Variants in GK observed in about 807,000 individuals in gnomAD.
GK encodes glycerol kinase.
Under a neutral mutation model 56.4 loss-of-function variants are expected in GK, and 9 were observed. That is an observed-to-expected ratio of 0.16 (90% CI 0.10 to 0.28). GK has a LOEUF of 0.28. Ranked by LOEUF, GK falls within the 10% of genes least tolerant of loss-of-function variation. The probability of loss-of-function intolerance (pLI) is 1.00; values close to 1 mark genes in which losing one functional copy is unlikely to be tolerated. For missense variants in GK, 161 were observed against 431.4 expected (o/e 0.37, Z 5.55); for synonymous variants, 104 against 144.1 (o/e 0.72, Z 1.99).
chrX:30,670,209 A>G (rs1933384941), intron 3 of GK, among the ~76,000 whole-genome samples: 1 of 111,953 alleles, frequency 8.9e-6, no homozygotes, highest in African/African-American at 3.2e-5. Context: ...ATTACCAAAG[A>G]CGTAAGTAAT....
At chrX:30,685,020 C>T (rs1234535215) in intron 4 of GK, among the ~76,000 whole-genome samples, 1 of 112,279 alleles carries the variant, frequency 8.9e-6, no homozygotes, top group Non-Finnish European at 1.9e-5. Context: ...TTTATCTTTT[C>T]TGGAACTGGC....
chrX:30,697,827 C>T (rs757224984), intron 9 of GK, 78 bp downstream of exon 9: 34 of 708,759 alleles, frequency 4.8e-5, no homozygotes, highest in Non-Finnish European at 7.3e-5. Flanking sequence ...TTTAGACAAG[C>T]AGAAGTCCAT....
At chrX:30,655,308 A>G (rs970663383) in intron 1 of GK, among the ~76,000 whole-genome samples, 3 of 112,496 alleles carry the variant, frequency 2.7e-5, no homozygotes, top group East Asian at 2.8e-4. Flanking sequence ...AAGAAAGACC[A>G]TTAAGACATG....
At chrX:30,662,511 G>A (rs991539507) in intron 1 of GK, among the ~76,000 whole-genome samples, 3 of 111,313 alleles carry the variant, frequency 2.7e-5, no homozygotes, top group Non-Finnish European at 5.7e-5. Flanking sequence ...TCTGTTTTCT[G>A]TGTCTCTTCC....
At chrX:30,657,564 A>G (rs992658340) in intron 1 of GK, among the ~76,000 whole-genome samples, 6 of 112,757 alleles carry the variant, frequency 5.3e-5, no homozygotes, top group Non-Finnish European at 1.1e-4. Context: ...TTGTGGCTTG[A>G]AATGTGTCAG....
chrX:30,694,382 A>G lies in GK; in HGVS notation c.415-18A>G. 8.4e-7 allele frequency: 1 copy of G among 1,196,165 alleles called. No homozygotes were observed. The highest frequency in any genetic ancestry group is 1.8e-5 in the South Asian group (1 of 56,609). On this transcript the variant is annotated intron_variant, in intron 5 of 20. Coordinates refer to ENST00000427190, the MANE Select transcript of GK (RefSeq NM_001205019.2). ...GTTACACTTTTCATTTGCTAACTGA[A>G]CTTCACAACTGTTTTAGTCCAAGAC...
chrX:30,691,338 G>A, intron 5 of GK, 139 bp downstream of exon 5: 1 of 433,878 alleles, frequency 2.3e-6, no homozygotes, highest in South Asian at 3.7e-5. Flanking sequence ...GATAATTGAG[G>A]CCAACTCAAG....
At chrX:30,725,733 C>T (rs897961156) in intron 19 of GK, among the ~76,000 whole-genome samples, 2 of 111,205 alleles carry the variant, frequency 1.8e-5, no homozygotes, top group Non-Finnish European at 3.8e-5. Flanking sequence ...CTCACTGCAA[C>T]CTCTGCCCTC....
At chrX:30,711,894 C>T (rs1316934804) in intron 13 of GK, among the ~76,000 whole-genome samples, 1 of 111,942 alleles carries the variant, frequency 8.9e-6, no homozygotes, top group Non-Finnish European at 1.9e-5. Flanking sequence ...TAAACATCAG[C>T]CTGACTTTTA....
intron 3 of GK, among the ~76,000 whole-genome samples, chrX:30,670,803 TG>T (rs1362596732): frequency 1.8e-5 from 2 of 109,107 alleles, no homozygotes; most frequent in Non-Finnish European, 3.8e-5. Context: ...GCCAACATGG[TG>T]AAACCCTGTT....
At chrX:30,674,400 T>C in intron 3 of GK, 2 of 329,743 alleles carry the variant, frequency 6.1e-6, no homozygotes, top group South Asian at 5.2e-5. Flanking sequence ...TCCTGCCAAC[T>C]TTCCTTCATC....
chrX:30,703,122 A>G (rs1935776811), intron 11 of GK, among the ~76,000 whole-genome samples: 1 of 112,264 alleles, frequency 8.9e-6, no homozygotes, highest in Non-Finnish European at 1.9e-5. Context: ...TTGAAAAATG[A>G]GCAGTATTGG....
intron 2 of GK, among the ~76,000 whole-genome samples, chrX:30,666,080 T>A (rs746334575): frequency 8.9e-6 from 1 of 112,220 alleles, no homozygotes; most frequent in South Asian, 3.7e-4. Context: ...ATAACCACTT[T>A]GAAAAACTGT....
intron 19 of GK, chrX:30,724,568 A>G: frequency 3.4e-6 from 1 of 292,377 alleles, no homozygotes; most frequent in Non-Finnish European, 6.4e-6. Flanking sequence ...AACCAACTGA[A>G]AGCTGTATTA....
At chrX:30,654,700 G>T (rs982742580) in intron 1 of GK, among the ~76,000 whole-genome samples, 2 of 110,717 alleles carry the variant, frequency 1.8e-5, no homozygotes, top group African/African-American at 3.3e-5. Context: ...TCCAGCCTGG[G>T]CAATCCAGCC....
At chrX:30,719,327 G>C in intron 14 of GK, 92 bp from the exon 15 acceptor site, 1 of 580,369 alleles carries the variant, frequency 1.7e-6, no homozygotes, top group South Asian at 2.6e-5. Context: ...CAAAACCCCT[G>C]TCCTAATTTT....
chrX:30,716,893 G>A (rs1453260844), intron 13 of GK, among the ~76,000 whole-genome samples: 1 of 111,942 alleles, frequency 8.9e-6, no homozygotes, highest in Non-Finnish European at 1.9e-5. Flanking sequence ...TGCCAGATCT[G>A]TTCCTCAAAT....
chrX:30,658,444 T>C (rs967165200), intron 1 of GK, among the ~76,000 whole-genome samples: 1 of 111,358 alleles, frequency 9.0e-6, no homozygotes, highest in Admixed American at 9.5e-5. Context: ...GCCTACTGAG[T>C]AGCTAGGATT....
At chrX:30,672,969 A>T (rs1158884375) in intron 3 of GK, among the ~76,000 whole-genome samples, 1 of 112,161 alleles carries the variant, frequency 8.9e-6, no homozygotes, top group Non-Finnish European at 1.9e-5. Flanking sequence ...TATGATTTTA[A>T]TTTTAAAAAA....
Sources: gnomAD v4.1 joint callset for allele counts (sites outside exome capture counted in the v4.1 genomes callset) on GRCh38, gnomAD v4.1.1 for gene constraint, MANE v1.5 for transcripts, NCBI Gene and HGNC (gene_info 2026-07-23, HGNC 2026-07-21) for gene names.